SRPX: variants seen among roughly 807,000 people sequenced by gnomAD.
The protein encoded by SRPX is sushi repeat containing protein X-linked.
SRPX carries 24 observed loss-of-function variants against 38.1 expected under a neutral mutation model. The ratio of observed to expected loss-of-function variants is 0.63; its 90% confidence interval spans 0.46 to 0.89. The LOEUF (loss-of-function observed/expected upper bound fraction) is 0.89, where lower values mean the gene tolerates loss of function less well. Ranked by LOEUF, SRPX falls within the 40% of genes least tolerant of loss-of-function variation. SRPX has a pLI of 0.00. For synonymous variants in SRPX, 184 were observed against 153.8 expected (o/e 1.20, Z -1.45); for missense variants, 416 against 377.8 (o/e 1.10, Z -0.84).
At chrX:38,177,569 T>A (rs778020456) in intron 2 of SRPX, among the ~76,000 whole-genome samples, 1 of 108,714 alleles carries the variant, frequency 9.2e-6, no homozygotes, top group Non-Finnish European at 1.9e-5. Flanking sequence ...TTTTTCAAAT[T>A]CTTCCTCCAC....
chrX:38,198,706 T>TA (rs1939044931), intron 1 of SRPX, among the ~76,000 whole-genome samples: 1 of 111,183 alleles, frequency 9.0e-6, no homozygotes, highest in African/African-American at 3.3e-5. Flanking sequence ...GAGAGCAAAA[T>TA]AAAAAAATGT....
chrX:38,204,495 C>T (rs1486927823), intron 1 of SRPX, among the ~76,000 whole-genome samples: 1 of 112,117 alleles, frequency 8.9e-6, no homozygotes, highest in Middle Eastern at 4.2e-3. Flanking sequence ...GGCAAGTACA[C>T]CTCAAGTAAA....
rs148023745 is a variant in SRPX, at chrX:38,201,249, T to C, written c.97+19447A>G. Among the ~76,000 whole-genome samples the C allele has an allele frequency of 8.1e-3, 894 of 110,854 alleles. 13 individuals are homozygous for C. The highest frequency in any genetic ancestry group is 0.028 in the African/African-American group (850 of 30,424). On this transcript the variant is annotated intron_variant, in intron 1 of 9. Transcript: ENST00000378533. ...ATCTGCAACAGTCAAAAGTTATTTA[T>C]CCAGGTCTAACAATATACTAGGCAT...
chrX:38,155,619 T>C (rs1229187842), intron 8 of SRPX, among the ~76,000 whole-genome samples: 1 of 112,564 alleles, frequency 8.9e-6, no homozygotes, highest in East Asian at 2.8e-4. Flanking sequence ...AGTGTGGCTG[T>C]GTCCAATAAA....
rs148930822 is a variant in SRPX, at chrX:38,181,591, G to C, written c.98-3247C>G. On this transcript the variant is annotated intron_variant, in intron 1 of 9. Coordinates refer to ENST00000378533, the MANE Select transcript of SRPX (RefSeq NM_006307.5). ...CGGCAGCAACAGTTTCCTAGCCTGA[G>C]TGATAGGAGGAGTTTCTGGCATCTG... Among the ~76,000 whole-genome samples the C allele has an allele frequency of 2.1e-4, 24 of 111,667 alleles. No individual in the cohort carries two copies. In the East Asian group the frequency reaches 3.7e-3, roughly 17 times the overall value.
At chrX:38,203,108 G>A (rs1047701809) in intron 1 of SRPX, among the ~76,000 whole-genome samples, 1 of 111,824 alleles carries the variant, frequency 8.9e-6, no homozygotes, top group East Asian at 2.8e-4. Context: ...GACAGTGGAA[G>A]CCTAGCTTAA....
intron 3 of SRPX, among the ~76,000 whole-genome samples, chrX:38,172,443 G>A (rs1438292433): frequency 8.9e-6 from 1 of 112,734 alleles, no homozygotes; most frequent in East Asian, 2.8e-4. Flanking sequence ...ACAAGAACAC[G>A]ACTTTGTATA....
At chrX:38,212,125 C>A (rs1939337062) in intron 1 of SRPX, among the ~76,000 whole-genome samples, 1 of 112,089 alleles carries the variant, frequency 8.9e-6, no homozygotes, top group South Asian at 3.7e-4. Context: ...CAGGAAAAAG[C>A]CATGCAAGGC....
chrX:38,158,041 A>T (rs1183639802), intron 7 of SRPX, among the ~76,000 whole-genome samples: 1 of 112,198 alleles, frequency 8.9e-6, no homozygotes, highest in Non-Finnish European at 1.9e-5. Context: ...TTGAACACAG[A>T]TGGGAATGTG....
At position 38,149,604 on chromosome X, in the gene SRPX, T is replaced by C; in HGVS notation, c.*107A>G. ...GAAAGCTCATAATAAAATAGACTTTTAAAATTACAAATAAAATCTGTACAT... is the reference window on the plus strand; with the variant it reads ...GAAAGCTCATAATAAAATAGACTTTCAAAATTACAAATAAAATCTGTACAT... On this transcript the variant is annotated 3_prime_UTR_variant, in exon 10 of 10. Coordinates refer to ENST00000378533, the MANE Select transcript of SRPX (RefSeq NM_006307.5). 1 of 813,996 alleles carries C rather than the reference T, an allele frequency of 1.2e-6. No homozygotes were observed. The highest frequency in any genetic ancestry group is 1.7e-6 in the Non-Finnish European group (1 of 601,716). The allele number at this position is 813,996 out of a possible 1,213,427, so 67.1% of individuals were successfully genotyped here.
chrX:38,203,053 C>T (rs1157657619), intron 1 of SRPX, among the ~76,000 whole-genome samples: 1 of 111,753 alleles, frequency 8.9e-6, no homozygotes, highest in East Asian at 2.8e-4. Flanking sequence ...AAACACAACA[C>T]TACATAAAAA....
In SRPX at chrX:38,171,828, C is replaced by T. The variant is rs190959615; in HGVS notation, c.526+53G>A. 5.0e-4 allele frequency: 577 copies of T among 1,155,846 alleles called. 1 individual carries two copies. The African/African-American group carries it at 8.1e-3, about 16-fold the overall frequency. ...CCCTTTACAATCCACGATGTGAACA[C>T]CCCCTGCTCCTCCCAAAGCAAGTGC... On this transcript the variant is annotated intron_variant, in intron 4 of 9. Transcript: ENST00000378533.
chrX:38,171,478 C>T (rs186097966), intron 4 of SRPX, among the ~76,000 whole-genome samples: 2 of 111,571 alleles, frequency 1.8e-5, no homozygotes, highest in East Asian at 2.8e-4. Flanking sequence ...AAATTGAGTG[C>T]TTGCTGACCA....
At chrX:38,201,358 C>T (rs1434158758) in intron 1 of SRPX, among the ~76,000 whole-genome samples, 2 of 110,100 alleles carry the variant, frequency 1.8e-5, no homozygotes, top group Non-Finnish European at 3.8e-5. Flanking sequence ...AACCACCTGA[C>T]TACCATGAAA....
In SRPX at chrX:38,161,071, C is replaced by T; in HGVS notation, c.654-17G>A. 1.7e-6 allele frequency: 2 copies of T among 1,206,603 alleles called. No individual in the cohort carries two copies. Among genetic ancestry groups the T allele is most frequent in the Non-Finnish European group, 2.2e-6 (2 of 893,587 alleles). On this transcript the variant is annotated splice_polypyrimidine_tract_variant and intron_variant, in intron 5 of 9. Transcript: ENST00000378533. ...AGAATGACACTTAGAGAAAAAAAATCAGAAACAGGAAAGATGACATTATGG... is the reference window on the plus strand; with the variant it reads ...AGAATGACACTTAGAGAAAAAAAATTAGAAACAGGAAAGATGACATTATGG...
At chrX:38,164,316 T>C (rs1235015608) in intron 5 of SRPX, among the ~76,000 whole-genome samples, 3 of 110,293 alleles carry the variant, frequency 2.7e-5, no homozygotes, top group African/African-American at 9.9e-5. Flanking sequence ...CTAATTTTTG[T>C]ATTTTTAGTA....
intron 1 of SRPX, among the ~76,000 whole-genome samples, chrX:38,220,190 G>T (rs750960007): frequency 8.8e-6 from 1 of 113,603 alleles, no homozygotes; most frequent in Non-Finnish European, 1.9e-5. Context: ...AGATTCAGGG[G>T]AGGCCCCGCC....
chrX:38,172,087 T>A (rs1938481924), intron 3 of SRPX, 30 bp from the exon 4 acceptor site: 1 of 1,186,027 alleles, frequency 8.4e-7, no homozygotes, highest in Non-Finnish European at 1.1e-6. Flanking sequence ...ATATTCAGCA[T>A]TTCTTAGTTT....
chrX:38,185,903 G>T (rs1413487602), intron 1 of SRPX, among the ~76,000 whole-genome samples: 4 of 105,305 alleles, frequency 3.8e-5, no homozygotes, highest in East Asian at 3.1e-4. Flanking sequence ...AAAAAAGGGG[G>T]GGGGGAGTGA....
Sources: gnomAD v4.1 joint callset for allele counts (sites outside exome capture counted in the v4.1 genomes callset) on GRCh38, gnomAD v4.1.1 for gene constraint, MANE v1.5 for transcripts, NCBI Gene and HGNC (gene_info 2026-07-23, HGNC 2026-07-21) for gene names.